The following EFNA5 variants were observed in gnomAD, a reference collection of about 807,000 sequenced individuals.
EFNA5 encodes the protein ephrin A5, also known as ephrin-A5.
A neutral mutation model predicts 22.9 loss-of-function variants in EFNA5; 5 were observed. The observed-to-expected ratio is 0.22, with a 90% CI of 0.11 to 0.46. The LOEUF (loss-of-function observed/expected upper bound fraction) is 0.46. Ranked by LOEUF, EFNA5 falls within the 20% of genes least tolerant of loss-of-function variation. EFNA5 has a pLI of 0.99. For missense variants in EFNA5, 237 were observed against 293.3 expected, an observed-to-expected ratio of 0.81 and a Z score of 1.40; for synonymous variants, 113 against 112.2, an observed-to-expected ratio of 1.01 and a Z score of -0.04.
At chr5:107,647,362 AAC>A (rs948186871) in intron 1 of EFNA5, among the ~76,000 whole-genome samples, 9 of 152,302 alleles carry the variant, frequency 5.9e-5, no homozygotes, top group African/African-American at 2.2e-4. Flanking sequence ...ATAAAAGAGA[AAC>A]ATAGTTCAAA....
At chr5:107,456,137 G>A (rs1749694084) in intron 1 of EFNA5, among the ~76,000 whole-genome samples, 1 of 152,116 alleles carries the variant, frequency 6.6e-6, no homozygotes, top group Admixed American at 6.6e-5. Flanking sequence ...CACATGGAGA[G>A]GGCTAATTAA....
In EFNA5 at chr5:107,377,531, T is replaced by C. The variant is rs1747298892; in HGVS notation, c.*3724A>G. 6.6e-6 allele frequency: 1 copy of C among 152,192 alleles called. No individual in the cohort carries two copies. The highest frequency in any genetic ancestry group is 2.4e-5 in the African/African-American group (1 of 41,432). The allele number at this position is 152,192 out of a possible 1,614,324, so 9.4% of individuals were successfully genotyped here. A position where few individuals can be genotyped will look rare whatever the true frequency, so the allele number is the denominator to read the frequency against. On this transcript the variant is annotated 3_prime_UTR_variant, in exon 5 of 5. Coordinates refer to ENST00000333274, the MANE Select transcript of EFNA5 (RefSeq NM_001962.3). ...AGGAGTTGAAAACTGTTTTTCTAATTATTTGAAAATAATACAAATGGCTGC... is the reference window on the plus strand; with the variant it reads ...AGGAGTTGAAAACTGTTTTTCTAATCATTTGAAAATAATACAAATGGCTGC...
At chr5:107,594,940 G>A (rs1390816151) in intron 1 of EFNA5, among the ~76,000 whole-genome samples, 1 of 152,070 alleles carries the variant, frequency 6.6e-6, no homozygotes, top group African/African-American at 2.4e-5. Flanking sequence ...CGGCTAAGTG[G>A]GTGTGCCACT....
Position 107,613,947 on chromosome 5 carries a change from T to C in EFNA5, c.125+56542A>G, listed in dbSNP as rs115777191. On this transcript the variant is annotated intron_variant, in intron 1 of 4. Transcript: ENST00000333274. ...TTGACAGTTTTGTAAAATATAAGGA[T>C]AATTAAACTGACATGAAAATCAGTA... is the stretch of plus-strand genomic sequence containing the variant. 2.8e-3 allele frequency among the ~76,000 whole-genome samples: 432 copies of C among 152,206 alleles called. 2 individuals carry two copies. The highest frequency in any genetic ancestry group is 9.9e-3 in the African/African-American group (411 of 41,558).
chr5:107,473,492 G>T (rs954310535), intron 1 of EFNA5, among the ~76,000 whole-genome samples: 1 of 151,982 alleles, frequency 6.6e-6, no homozygotes, highest in East Asian at 1.9e-4. Context: ...GTCAGAATGT[G>T]ACTACAACAG....
intron 1 of EFNA5, among the ~76,000 whole-genome samples, chr5:107,510,039 G>C (rs1170783219): frequency 1.3e-5 from 2 of 152,170 alleles, no homozygotes; most frequent in Non-Finnish European, 2.9e-5. Context: ...GCTTTCCCAG[G>C]AGGGTAAGAG....
At chr5:107,383,731 C>T (rs1164929703) in intron 4 of EFNA5, among the ~76,000 whole-genome samples, 1 of 152,190 alleles carries the variant, frequency 6.6e-6, no homozygotes, top group Non-Finnish European at 1.5e-5. Flanking sequence ...TTCATCACCA[C>T]CCTAGTCCCT....
chr5:107,648,799 A>G (rs749475244), intron 1 of EFNA5, among the ~76,000 whole-genome samples: 6 of 152,160 alleles, frequency 3.9e-5, no homozygotes, highest in African/African-American at 1.4e-4. Context: ...AACAGAAAAA[A>G]AAATCCTTTT....
At chr5:107,445,030 A>G (rs1183810674) in intron 1 of EFNA5, among the ~76,000 whole-genome samples, 2 of 152,012 alleles carry the variant, frequency 1.3e-5, no homozygotes, top group African/African-American at 2.4e-5. Context: ...CCATTTAAAA[A>G]AAGTTTTTTG....
intron 1 of EFNA5, among the ~76,000 whole-genome samples, chr5:107,527,032 T>C (rs1747709641): frequency 1.3e-5 from 2 of 152,292 alleles, no homozygotes; most frequent in Admixed American, 1.3e-4. Context: ...TACTTTATTT[T>C]CTCCTGGATA....
At chr5:107,516,763 G>A (rs576614540) in intron 1 of EFNA5, among the ~76,000 whole-genome samples, 40 of 152,246 alleles carry the variant, frequency 2.6e-4, no homozygotes, top group African/African-American at 9.4e-4. Flanking sequence ...TAAAGCCAGG[G>A]CTCCTTGCTC....
At chr5:107,410,973 T>C (rs1446821403) in intron 2 of EFNA5, among the ~76,000 whole-genome samples, 5 of 152,064 alleles carry the variant, frequency 3.3e-5, no homozygotes, top group African/African-American at 1.2e-4. Context: ...TGATTTTTCA[T>C]ATTATATCCA....
intron 1 of EFNA5, among the ~76,000 whole-genome samples, chr5:107,498,964 G>GTA (rs1747062030): frequency 6.6e-6 from 1 of 151,710 alleles, no homozygotes; most frequent in South Asian, 2.1e-4. Flanking sequence ...AAGTATGTAT[G>GTA]TATGTATGTA....
chr5:107,628,856 A>C (rs1203542351), intron 1 of EFNA5, among the ~76,000 whole-genome samples: 1 of 152,160 alleles, frequency 6.6e-6, no homozygotes, highest in African/African-American at 2.4e-5. Context: ...GTTCATTATT[A>C]CAATACTAAA....
intron 1 of EFNA5, among the ~76,000 whole-genome samples, chr5:107,539,126 T>C (rs887404600): frequency 2.6e-5 from 4 of 152,210 alleles, no homozygotes; most frequent in Admixed American, 2.6e-4. Context: ...CTGGAAACAC[T>C]GGGTTCTTTG....
intron 1 of EFNA5, among the ~76,000 whole-genome samples, chr5:107,466,951 T>C (rs1265771083): frequency 1.1e-4 from 16 of 152,198 alleles, no homozygotes; most frequent in Non-Finnish European, 1.9e-4. Flanking sequence ...GTCTTAAGTA[T>C]TTCTTTTATT....
intron 1 of EFNA5, among the ~76,000 whole-genome samples, chr5:107,512,839 A>C (rs982990685): frequency 1.3e-5 from 2 of 152,176 alleles, no homozygotes; most frequent in African/African-American, 4.8e-5. Flanking sequence ...AAAACGTAAT[A>C]AAAATAATTG....
chr5:107,524,330 T>C (rs1018433588), intron 1 of EFNA5, among the ~76,000 whole-genome samples: 15 of 152,200 alleles, frequency 9.9e-5, no homozygotes, highest in African/African-American at 2.7e-4. Context: ...ATATTAATAA[T>C]GGCAAAACAT....
intron 1 of EFNA5, among the ~76,000 whole-genome samples, chr5:107,438,134 G>A (rs941469557): frequency 1.3e-5 from 2 of 152,132 alleles, no homozygotes; most frequent in African/African-American, 4.8e-5. Context: ...CTCTGTAATC[G>A]TCAGACTTTT....
Sources: allele counts gnomAD v4.1 joint callset (sites outside exome capture counted in the v4.1 genomes callset), GRCh38; gene constraint gnomAD v4.1.1; transcripts MANE v1.5; gene names NCBI Gene and HGNC (gene_info 2026-07-23, HGNC 2026-07-21).